The following FBXO28 variants were observed in gnomAD, a reference collection of about 807,000 sequenced individuals.
The protein encoded by FBXO28 is F-box only protein 28.
A neutral mutation model predicts 38.1 loss-of-function variants in FBXO28; 8 were observed. The observed-to-expected ratio is 0.21, with a 90% CI of 0.12 to 0.38. FBXO28 has a LOEUF of 0.38. Ranked by LOEUF, FBXO28 falls within the 10% of genes least tolerant of loss-of-function variation. The pLI, the probability that FBXO28 is intolerant of heterozygous loss-of-function variation, is 1.00. For missense variants in FBXO28, 345 were observed against 460.6 expected, an observed-to-expected ratio of 0.75 and a Z score of 2.30; for synonymous variants, 168 against 173.8, an observed-to-expected ratio of 0.97 and a Z score of 0.26.
chr1:224,130,766 G>A, intron 2 of FBXO28, 185 bp downstream of exon 2: 1 of 476,274 alleles, frequency 2.1e-6, no homozygotes, highest in South Asian at 3.2e-5. Context: ...TTTTACTGGA[G>A]GTTCTAGCCA....
At chr1:224,128,982 T>C (rs1479923686) in intron 1 of FBXO28, among the ~76,000 whole-genome samples, 1 of 29,390 alleles carries the variant, frequency 3.4e-5, no homozygotes, top group East Asian at 7.3e-4. Flanking sequence ...CAAGACCCTG[T>C]CAAAAAAAAA....
At chr1:224,122,236 T>C (rs528983143) in intron 1 of FBXO28, among the ~76,000 whole-genome samples, 6 of 152,320 alleles carry the variant, frequency 3.9e-5, no homozygotes, top group African/African-American at 1.4e-4. Flanking sequence ...TTTTAAATGA[T>C]TTTTTCGTCC....
intron 3 of FBXO28, among the ~76,000 whole-genome samples, chr1:224,150,709 A>G (rs1342485354): frequency 6.6e-6 from 1 of 152,122 alleles, no homozygotes; most frequent in Non-Finnish European, 1.5e-5. Flanking sequence ...CATATCTTCA[A>G]TTGATCAGTT....
chr1:224,158,338 T>G lies in FBXO28; in HGVS notation c.*592T>G, dbSNP rs1657818030. 1 of 574,382 alleles carries G rather than the reference T, an allele frequency of 1.7e-6. No homozygotes were observed. The highest frequency in any genetic ancestry group is 2.2e-6 in the Non-Finnish European group (1 of 454,390). The allele number at this position is 574,382 out of a possible 1,614,324, so 35.6% of individuals were successfully genotyped here. A position where few individuals can be genotyped will look rare whatever the true frequency, so the allele number is the denominator to read the frequency against. ...TTGACTATATATTTTTATAAACTAC[T>G]GGCAAGGAACTTACCCAGCTGTTAT... is the stretch of plus-strand genomic sequence containing the variant. On this transcript the variant is annotated 3_prime_UTR_variant, in exon 5 of 5. Coordinates refer to ENST00000366862, the MANE Select transcript of FBXO28 (RefSeq NM_015176.4).
intron 1 of FBXO28, among the ~76,000 whole-genome samples, chr1:224,120,372 C>A (rs1656743833): frequency 6.6e-6 from 1 of 152,182 alleles, no homozygotes; most frequent in African/African-American, 2.4e-5. Context: ...TATAATTCTT[C>A]TCTGAACTTT....
At chr1:224,154,669 G>A (rs1197453931) in intron 4 of FBXO28, among the ~76,000 whole-genome samples, 3 of 152,160 alleles carry the variant, frequency 2.0e-5, no homozygotes, top group South Asian at 2.1e-4. Flanking sequence ...TTAGCTGGGC[G>A]CGGTGGTGGG....
chr1:224,142,343 C>A (rs1424680117), intron 3 of FBXO28, among the ~76,000 whole-genome samples: 2 of 141,996 alleles, frequency 1.4e-5, no homozygotes, highest in East Asian at 4.2e-4. Flanking sequence ...CAGAGCAAGA[C>A]TCTGCCTCAA....
At chr1:224,123,056 CT>C (rs1656813754) in intron 1 of FBXO28, among the ~76,000 whole-genome samples, 1 of 149,526 alleles carries the variant, frequency 6.7e-6, no homozygotes, top group African/African-American at 2.5e-5. Flanking sequence ...CACATAATTT[CT>C]TAAGGCCTCA....
chr1:224,128,177 G>A (rs1053706342), intron 1 of FBXO28, among the ~76,000 whole-genome samples: 1 of 151,828 alleles, frequency 6.6e-6, no homozygotes. Flanking sequence ...GTGCTTGGGT[G>A]CTATGAGAGA....
chr1:224,153,357 A>G lies in FBXO28; in HGVS notation c.712+20A>G, dbSNP rs1657691438. 1 of 1,519,998 alleles carries G rather than the reference A, an allele frequency of 6.6e-7. No homozygotes were observed. The highest frequency in any genetic ancestry group is 1.3e-5 in the South Asian group (1 of 75,678). The allele number at this position is 1,519,998 out of a possible 1,614,324, so 94.2% of individuals were successfully genotyped here. A position where few individuals can be genotyped will look rare whatever the true frequency, so the allele number is the denominator to read the frequency against. On this transcript the variant is annotated intron_variant, in intron 4 of 4. Coordinates refer to ENST00000366862, the MANE Select transcript of FBXO28 (RefSeq NM_015176.4). The stretch of plus-strand genomic sequence containing the variant: ...CTCCAGGTATCTCTACTTTATAATC[A>G]TGCTTGTACATAATTTTGTAACTTG...
chr1:224,143,084 G>A (rs1055517846), intron 3 of FBXO28, among the ~76,000 whole-genome samples: 6 of 151,736 alleles, frequency 4.0e-5, no homozygotes, highest in Admixed American at 1.3e-4. Flanking sequence ...GCGGTGGTGC[G>A]GGCCTGTAGT....
chr1:224,148,220 C>T (rs1414289272), intron 3 of FBXO28, among the ~76,000 whole-genome samples: 1 of 152,126 alleles, frequency 6.6e-6, no homozygotes, highest in Non-Finnish European at 1.5e-5. Flanking sequence ...TTTCACATTA[C>T]TTTTAATGGC....
chr1:224,156,834 C>T (rs974355521), intron 4 of FBXO28, among the ~76,000 whole-genome samples: 7 of 152,106 alleles, frequency 4.6e-5, no homozygotes, highest in South Asian at 2.1e-4. Context: ...CCCATCTCTA[C>T]TAAAAATACG....
chr1:224,147,212 C>T (rs1657529981), intron 3 of FBXO28, among the ~76,000 whole-genome samples: 1 of 151,482 alleles, frequency 6.6e-6, no homozygotes, highest in African/African-American at 2.4e-5. Flanking sequence ...ATCACAAGGT[C>T]AAGAGTTCAA....
chr1:224,150,752 G>A (rs1187664406), intron 3 of FBXO28, among the ~76,000 whole-genome samples: 3 of 151,960 alleles, frequency 2.0e-5, no homozygotes, highest in African/African-American at 7.3e-5. Context: ...CTTACAAATG[G>A]CAAAGAATCC....
chr1:224,141,462 CTG>C (rs1291222481), intron 3 of FBXO28, among the ~76,000 whole-genome samples: 1 of 132,252 alleles, frequency 7.6e-6, no homozygotes, highest in Admixed American at 8.2e-5. Flanking sequence ...CAGAGCAAGA[CTG>C]TGTCTCAAAA....
intron 3 of FBXO28, among the ~76,000 whole-genome samples, chr1:224,135,586 TG>T (rs1459472201): frequency 3.3e-5 from 4 of 120,966 alleles, no homozygotes; most frequent in East Asian, 2.5e-4. Flanking sequence ...CACTCCAGCC[TG>T]GGCAACAGAG....
At chr1:224,147,104 T>C (rs1657526796) in intron 3 of FBXO28, among the ~76,000 whole-genome samples, 1 of 151,604 alleles carries the variant, frequency 6.6e-6, no homozygotes, top group Non-Finnish European at 1.5e-5. Context: ...TGAGACTCTG[T>C]CAAAAAATAT....
At chr1:224,154,531 G>A (rs555743831) in intron 4 of FBXO28, among the ~76,000 whole-genome samples, 15 of 152,086 alleles carry the variant, frequency 9.9e-5, no homozygotes, top group Non-Finnish European at 1.8e-4. Flanking sequence ...AAAATTGGCC[G>A]GGCGCGGTGG....
Sources: allele counts gnomAD v4.1 joint callset (sites outside exome capture counted in the v4.1 genomes callset), GRCh38; gene constraint gnomAD v4.1.1; transcripts MANE v1.5; gene names NCBI Gene and HGNC (gene_info 2026-07-23, HGNC 2026-07-21).